The following DAP variants were observed in gnomAD, a reference collection of about 807,000 sequenced individuals.
DAP encodes the protein death associated protein.
In DAP, 8 loss-of-function variants were observed where a neutral mutation model predicts 13.8. The observed-to-expected ratio is 0.58, with a 90% confidence interval of 0.34 to 1.05. DAP has a LOEUF of 1.05. DAP is among the 50% of genes least tolerant of loss of function. DAP has a pLI of 0.03. For synonymous variants in DAP, 47 were observed against 47.5 expected, an observed-to-expected ratio of 0.99 and a Z score of 0.04; for missense variants, 106 against 133.2, an observed-to-expected ratio of 0.80 and a Z score of 1.01.
intron 1 of DAP, among the ~76,000 whole-genome samples, chr5:10,759,176 C>CT (rs890216182): frequency 3.3e-5 from 5 of 152,202 alleles, no homozygotes; most frequent in African/African-American, 1.2e-4. Flanking sequence ...GAGTGAGACT[C>CT]TGTTTCAAAA....
At chr5:10,755,957 G>A (rs1447604959) in intron 1 of DAP, among the ~76,000 whole-genome samples, 1 of 152,216 alleles carries the variant, frequency 6.6e-6, no homozygotes. Flanking sequence ...AGACCTGACT[G>A]GACAACATAG....
chr5:10,755,123 T>C (rs1740149938), intron 1 of DAP, among the ~76,000 whole-genome samples: 1 of 152,110 alleles, frequency 6.6e-6, no homozygotes, highest in Non-Finnish European at 1.5e-5. Flanking sequence ...TCTCTGAATG[T>C]GAAAGAGGGA....
intron 2 of DAP, among the ~76,000 whole-genome samples, chr5:10,713,881 C>G (rs1056341291): frequency 7.2e-5 from 11 of 152,356 alleles, no homozygotes; most frequent in African/African-American, 2.6e-4. Flanking sequence ...AGGGAGCAGT[C>G]AAGATCCCAT....
chr5:10,753,605 A>G (rs1740100379), intron 1 of DAP, among the ~76,000 whole-genome samples: 3 of 152,346 alleles, frequency 2.0e-5, no homozygotes, highest in Non-Finnish European at 4.4e-5. Flanking sequence ...GCCTGGCTGT[A>G]AGATGCAGTC....
chr5:10,753,513 C>T (rs1436881574), intron 1 of DAP, among the ~76,000 whole-genome samples: 1 of 152,358 alleles, frequency 6.6e-6, no homozygotes, highest in African/African-American at 2.4e-5. Context: ...CCTACGGTCA[C>T]ATCTGGGAGG....
In DAP at chr5:10,681,063, C is replaced by T. The variant is rs756745510; in HGVS notation, c.302G>A (p.Arg101His). The T allele has an allele frequency of 7.5e-6, 12 of 1,593,978 alleles. No homozygotes were observed. In the South Asian group the frequency reaches 9.1e-5, roughly 12 times the overall value. Residue 101 changes from arginine to histidine, a missense_variant, in exon 4 of 4, where the codon CGC becomes CAC. By Grantham distance (29) the Arg-to-His change is conservative. Coordinates refer to ENST00000230895, the MANE Select transcript of DAP (RefSeq NM_004394.3). ...GGCTGGTGGACTCCAGGCTCACTTG[C>T]GTGGCTGCTGGATGTGCTGGGTTCT... ...SPRTQHIQQP[R>H]K
At chr5:10,727,161 G>A (rs1739306946) in intron 2 of DAP, among the ~76,000 whole-genome samples, 1 of 152,216 alleles carries the variant, frequency 6.6e-6, no homozygotes. Context: ...CCTGGACTGT[G>A]CAGAAACATG....
At chr5:10,724,842 C>T (rs1436515431) in intron 2 of DAP, among the ~76,000 whole-genome samples, 6 of 152,142 alleles carry the variant, frequency 3.9e-5, no homozygotes, top group Non-Finnish European at 8.8e-5. Context: ...AACCCGGGTG[C>T]GCAGCCATCT....
chr5:10,749,660 G>A (rs1739997438), intron 1 of DAP, among the ~76,000 whole-genome samples: 1 of 151,594 alleles, frequency 6.6e-6, no homozygotes, highest in Non-Finnish European at 1.5e-5. Context: ...GACCTTCTTG[G>A]CCCTTAGTGT....
chr5:10,698,101 G>C (rs1486287866), intron 2 of DAP, among the ~76,000 whole-genome samples: 1 of 151,978 alleles, frequency 6.6e-6, no homozygotes, highest in Non-Finnish European at 1.5e-5. Flanking sequence ...CAGCAAGGGA[G>C]GGAGTTGGTG....
At position 10,760,998 on chromosome 5, in the gene DAP, G is replaced by A. The variant is rs746509981; in HGVS notation, c.55+16C>T. 4.9e-6 allele frequency: 6 copies of A among 1,231,478 alleles called. No individual in the cohort carries two copies. The South Asian group carries it at 9.9e-5, about 20-fold the overall frequency. The allele number at this position is 1,231,478 out of a possible 1,614,324, so 76.3% of individuals were successfully genotyped here. A position where few individuals can be genotyped will look rare whatever the true frequency, so the allele number is the denominator to read the frequency against. ...CCCGGCACCCGCGCGTGGAGAGAGA[G>A]GAAAAGAGTCAGTACCGGCGGGCGG... On this transcript the variant is annotated intron_variant, in intron 1 of 3. Transcript: ENST00000230895.
At chr5:10,735,416 T>C (rs1043632189) in intron 2 of DAP, among the ~76,000 whole-genome samples, 2 of 152,186 alleles carry the variant, frequency 1.3e-5, no homozygotes, top group Admixed American at 1.3e-4. Flanking sequence ...ATCTCAAGGG[T>C]ATCTGGACCT....
intron 3 of DAP, among the ~76,000 whole-genome samples, chr5:10,681,975 A>T (rs1049714915): frequency 2.0e-5 from 3 of 151,190 alleles, no homozygotes; most frequent in African/African-American, 4.9e-5. Context: ...CGCTGTAGGA[A>T]GCATGGGGTT....
chr5:10,751,420 T>C (rs1042011112), intron 1 of DAP, among the ~76,000 whole-genome samples: 2 of 152,198 alleles, frequency 1.3e-5, no homozygotes, highest in African/African-American at 4.8e-5. Flanking sequence ...TTCCACTCTC[T>C]TGAAACACAG....
intron 2 of DAP, among the ~76,000 whole-genome samples, chr5:10,710,580 CTGGAGG>C (rs1738823170): frequency 6.6e-6 from 1 of 152,170 alleles, no homozygotes; most frequent in Non-Finnish European, 1.5e-5. Context: ...TGGGTGTGCT[CTGGAGG>C]GTGCAGAGGA....
intron 2 of DAP, among the ~76,000 whole-genome samples, chr5:10,691,631 A>G (rs5745259): frequency 0.018 from 2,773 of 152,346 alleles, 40 homozygotes; most frequent in Middle Eastern, 0.044. Flanking sequence ...GCTGTTTTGA[A>G]GATGCAACAT....
At chr5:10,708,410 ACG>A (rs1338827471) in intron 2 of DAP, among the ~76,000 whole-genome samples, 4 of 150,758 alleles carry the variant, frequency 2.7e-5, no homozygotes, top group African/African-American at 9.7e-5. Flanking sequence ...AGACACATAC[ACG>A]CACACAGGCA....
chr5:10,737,707 G>C (rs922282473), intron 2 of DAP, among the ~76,000 whole-genome samples: 32 of 152,184 alleles, frequency 2.1e-4, no homozygotes, highest in Admixed American at 2.0e-3. Flanking sequence ...ACTTGACTGA[G>C]AGAACCATTA....
chr5:10,739,797 A>T (rs1264845888), intron 2 of DAP, among the ~76,000 whole-genome samples: 1 of 150,922 alleles, frequency 6.6e-6, no homozygotes, highest in African/African-American at 2.4e-5. Context: ...TCACACACAC[A>T]CACACACACA....
Sources: allele counts gnomAD v4.1 joint callset (sites outside exome capture counted in the v4.1 genomes callset), GRCh38; gene constraint gnomAD v4.1.1; transcripts MANE v1.5; gene names NCBI Gene and HGNC (gene_info 2026-07-23, HGNC 2026-07-21).